PYY: variants seen among roughly 807,000 people sequenced by gnomAD.
PYY encodes the protein peptide tyrosine tyrosine.
PYY carries 12 observed loss-of-function variants against 10.3 expected under a neutral mutation model. The ratio of observed to expected loss-of-function variants is 1.17; its 90% CI spans 0.75 to 1.89. The LOEUF (loss-of-function observed/expected upper bound fraction) is 1.89. Ranked by LOEUF, PYY falls within the 40% of genes most tolerant of loss-of-function variation. PYY has a pLI of 0.00. For missense variants in PYY, 141 were observed against 134.0 expected (o/e 1.05, Z -0.26); for synonymous variants, 66 against 62.0 (o/e 1.06, Z -0.30).
At chr17:43,996,832 C>T (rs1474381897) in intron 1 of PYY, among the ~76,000 whole-genome samples, 6 of 152,010 alleles carry the variant, frequency 3.9e-5, no homozygotes, top group Non-Finnish European at 5.9e-5. Flanking sequence ...GAACTACAGG[C>T]GCACACCACC....
At chr17:43,957,253 T>C (rs1439052159), upstream of PYY, among the ~76,000 whole-genome samples, 1 of 151,222 alleles carries the variant, frequency 6.6e-6, no homozygotes, top group Non-Finnish European at 1.5e-5. Flanking sequence ...CTTAAGTCCC[T>C]GCTGTGTGCC....
At chr17:43,957,765 G>T (rs752248098), upstream of PYY, among the ~76,000 whole-genome samples, 2 of 152,108 alleles carry the variant, frequency 1.3e-5, no homozygotes, top group Admixed American at 1.3e-4. Flanking sequence ...TTCCCAGTGC[G>T]CTGGGAGACC....
At chr17:43,982,837 G>A (rs1347660989) in intron 1 of PYY, among the ~76,000 whole-genome samples, 3 of 152,174 alleles carry the variant, frequency 2.0e-5, no homozygotes, top group African/African-American at 7.2e-5. Flanking sequence ...CTGGATAAGA[G>A]GGTTTCTTCT....
At chr17:43,980,201 T>C (rs571383971) in intron 1 of PYY, among the ~76,000 whole-genome samples, 1 of 144,464 alleles carries the variant, frequency 6.9e-6, no homozygotes, top group South Asian at 2.3e-4. Flanking sequence ...TCTCACTCTG[T>C]TGCCCAGGCT....
intron 1 of PYY, among the ~76,000 whole-genome samples, chr17:43,969,262 T>C (rs1326102842): frequency 1.3e-5 from 2 of 151,876 alleles, no homozygotes; most frequent in Non-Finnish European, 2.9e-5. Context: ...ACACCTGTAA[T>C]CCCAGCACTT....
At chr17:44,002,197 C>A (rs1859223) in intron 1 of PYY, among the ~76,000 whole-genome samples, 9 of 151,996 alleles carry the variant, frequency 5.9e-5, no homozygotes, top group South Asian at 2.1e-4. Flanking sequence ...GAGTCTCCCC[C>A]CCGGGACAGT....
At chr17:44,000,106 C>T (rs779332577) in intron 1 of PYY, among the ~76,000 whole-genome samples, 1 of 152,188 alleles carries the variant, frequency 6.6e-6, no homozygotes, top group Non-Finnish European at 1.5e-5. Context: ...CAGCCTCAAC[C>T]TCCCAGGCTC....
At chr17:43,990,164 G>A (rs530326094) in intron 1 of PYY, among the ~76,000 whole-genome samples, 7 of 151,468 alleles carry the variant, frequency 4.6e-5, no homozygotes, top group Admixed American at 3.3e-4. Context: ...TCGACGGGGC[G>A]AGGTGGCTCA....
chr17:43,963,574 G>GAAAGA (rs2048728961), intron 2 of PYY, among the ~76,000 whole-genome samples: 2 of 51,312 alleles, frequency 3.9e-5, no homozygotes, highest in African/African-American at 1.3e-4. Context: ...GGAAGGAAAA[G>GAAAGA]AAAGAAAGAA....
chr17:43,960,721 G>T (rs2048706585), intron 2 of PYY, among the ~76,000 whole-genome samples: 1 of 151,394 alleles, frequency 6.6e-6, no homozygotes, highest in Non-Finnish European at 1.5e-5. Context: ...ATGGTGGCGG[G>T]TGCCTGTAAT....
At chr17:43,966,806 G>T (rs895764162) in intron 1 of PYY, among the ~76,000 whole-genome samples, 1 of 152,200 alleles carries the variant, frequency 6.6e-6, no homozygotes, top group Non-Finnish European at 1.5e-5. Flanking sequence ...CCAGTGACTA[G>T]AATAATGTGT....
Position 43,975,724 on chromosome 17 carries a change from AAATATAT to A in PYY, c.-462-9199_-462-9193del, listed in dbSNP as rs1470765529. On this transcript the variant is annotated intron_variant, in intron 1 of 6. Transcript: ENST00000360085. The stretch of plus-strand genomic sequence containing the variant: ...ACAGGAGTAAGACCCTGAAAAAAAA[AAATATAT>A]ATATATATATATATACACACACACA... 4.4e-5 allele frequency among the ~76,000 whole-genome samples: 5 copies of A among 114,742 alleles called. 1 individual carries two copies. The highest frequency in any genetic ancestry group is 2.3e-4 in the African/African-American group (5 of 21,726). The allele number at this position is 114,742 out of a possible 152,430, so 75.3% of individuals were successfully genotyped here. A position where few individuals can be genotyped will look rare whatever the true frequency, so the allele number is the denominator to read the frequency against.
Position 43,953,125 on chromosome 17 carries a change from G to A in PYY, c.253C>T (p.Arg85Cys). 2 of 1,614,032 alleles carry A rather than the reference G, an allele frequency of 1.2e-6. No homozygotes were observed. Among genetic ancestry groups the A allele is most frequent in the Non-Finnish European group, 1.7e-6 (2 of 1,179,966 alleles). Residue 85 changes from arginine (R) to cysteine (C), a missense_variant, in exon 3 of 4, where the codon CGC becomes TGC. Arg to Cys is a radical substitution (Grantham distance 180, BLOSUM62 -3). Coordinates refer to ENST00000692052, the MANE Select transcript of PYY (RefSeq NM_001394028.1). Reference sequence around the variant, plus strand: ...CGCTTTTACCGCGACCTGACGGGGCGGTCCTCGCCGTCGGGGAAGAACGTT... The same window carrying A: ...CGCTTTTACCGCGACCTGACGGGGCAGTCCTCGCCGTCGGGGAAGAACGTT... The part of the protein sequence containing the change: ...SKTFFPDGED[R>C]PVRSRSEGPD...
chr17:44,000,138 G>A (rs567940529), intron 1 of PYY, among the ~76,000 whole-genome samples: 23 of 152,128 alleles, frequency 1.5e-4, no homozygotes, highest in Non-Finnish European at 2.8e-4. Flanking sequence ...CCACCTCCGC[G>A]TCCTGAGTAG....
intron 2 of PYY, among the ~76,000 whole-genome samples, chr17:43,965,806 AAAAAAAAAAAAGAG>A (rs1403237577): frequency 1.3e-5 from 2 of 150,506 alleles, no homozygotes; most frequent in African/African-American, 2.4e-5. Context: ...AAAAAAAAAA[AAAAAAAAAAAAGAG>A]AGAGAAACAA....
chr17:43,981,780 G>A (rs531578740), intron 1 of PYY, among the ~76,000 whole-genome samples: 28 of 152,282 alleles, frequency 1.8e-4, no homozygotes, highest in Admixed American at 2.6e-4. Flanking sequence ...GAGCCACCAT[G>A]CTGGGCCCTT....
intron 1 of PYY, among the ~76,000 whole-genome samples, chr17:43,994,919 G>A (rs995757539): frequency 6.6e-6 from 1 of 152,140 alleles, no homozygotes; most frequent in African/African-American, 2.4e-5. Context: ...GGTATCAGGA[G>A]TCGCCCCAGC....
At position 43,953,124 on chromosome 17, in the gene PYY, C is replaced by A. The variant is rs754686832; in HGVS notation, c.254G>T (p.Arg85Leu). Reference sequence around the variant, plus strand: ...GCGCTTTTACCGCGACCTGACGGGGCGGTCCTCGCCGTCGGGGAAGAACGT... The same window carrying A: ...GCGCTTTTACCGCGACCTGACGGGGAGGTCCTCGCCGTCGGGGAAGAACGT... ...SKTFFPDGED[R>L]PVRSRSEGPD... is the part of the protein sequence containing the mutation. Residue 85 changes from arginine (R) to leucine (L), a missense_variant, in exon 3 of 4, where the codon CGC becomes CTC. Coordinates refer to ENST00000692052, the MANE Select transcript of PYY (RefSeq NM_001394028.1). 6.2e-7 allele frequency: 1 copy of A among 1,613,866 alleles called. No individual in the cohort carries two copies. The highest frequency in any genetic ancestry group is 8.5e-7 in the Non-Finnish European group (1 of 1,179,946).
At chr17:43,976,662 C>T (rs1481118157) in intron 1 of PYY, among the ~76,000 whole-genome samples, 1 of 152,098 alleles carries the variant, frequency 6.6e-6, no homozygotes, top group Non-Finnish European at 1.5e-5. Context: ...GTCCCAGCTA[C>T]TCAGGAGGCT....
Sources: allele counts gnomAD v4.1 joint callset (sites outside exome capture counted in the v4.1 genomes callset), GRCh38; gene constraint gnomAD v4.1.1; transcripts MANE v1.5; gene names NCBI Gene and HGNC (gene_info 2026-07-23, HGNC 2026-07-21).